DCLK1: variants seen among roughly 807,000 people sequenced by gnomAD.
DCLK1 encodes the protein doublecortin like kinase 1, also known as serine/threonine-protein kinase DCLK1.
A neutral mutation model predicts 86.2 loss-of-function variants in DCLK1; 16 were observed. The observed-to-expected ratio is 0.19, with a 90% CI of 0.13 to 0.28. The LOEUF is 0.28. Among genes scored for constraint, DCLK1 ranks in the 10% least tolerant of loss-of-function variants. The pLI is 1.00. For synonymous variants in DCLK1, 369 were observed against 370.5 expected, an observed-to-expected ratio of 1.00 and a Z score of 0.05; for missense variants, 590 against 940.2, an observed-to-expected ratio of 0.63 and a Z score of 4.87.
At chr13:36,023,486 A>G (rs758764109) in intron 3 of DCLK1, among the ~76,000 whole-genome samples, 1 of 152,172 alleles carries the variant, frequency 6.6e-6, no homozygotes, top group South Asian at 2.1e-4. Context: ...TGCTCTTTTC[A>G]GGTCTTAGGC....
chr13:35,775,794 A>G (rs1293737977), intron 16 of DCLK1, among the ~76,000 whole-genome samples: 1 of 152,220 alleles, frequency 6.6e-6, no homozygotes, highest in East Asian at 1.9e-4. Flanking sequence ...AAGAACAGAG[A>G]TAAATTTACA....
chr13:35,868,731 T>C (rs1348044132), intron 5 of DCLK1, among the ~76,000 whole-genome samples: 1 of 152,226 alleles, frequency 6.6e-6, no homozygotes, highest in Non-Finnish European at 1.5e-5. Context: ...GCTAGGCTTA[T>C]GACTTTGTTC....
chr13:36,100,179 C>CAAAAAAAAAAAAAAAAAAAA (rs58824322), intron 3 of DCLK1, among the ~76,000 whole-genome samples: 2 of 37,686 alleles, frequency 5.3e-5, no homozygotes, highest in African/African-American at 1.1e-4. Flanking sequence ...CCTGTCTCTA[C>CAAAAAAAAAAAAAAAAAAAA]AAAAAAAAAA....
chr13:35,916,978 T>C (rs1392629402), intron 4 of DCLK1, among the ~76,000 whole-genome samples: 1 of 152,140 alleles, frequency 6.6e-6, no homozygotes, highest in Non-Finnish European at 1.5e-5. Flanking sequence ...CAGGTGGCCT[T>C]CTTCTACCTC....
At chr13:35,819,190 T>C (rs942625390) in intron 11 of DCLK1, among the ~76,000 whole-genome samples, 3 of 152,202 alleles carry the variant, frequency 2.0e-5, no homozygotes, top group Admixed American at 6.5e-5. Flanking sequence ...GGAAAAACTT[T>C]AGTTAAATAC....
chr13:35,896,135 A>G (rs1353626419), intron 4 of DCLK1, among the ~76,000 whole-genome samples: 1 of 152,206 alleles, frequency 6.6e-6, no homozygotes, highest in Non-Finnish European at 1.5e-5. Context: ...ATTTTCAAAC[A>G]AGGAAGAAAA....
intron 3 of DCLK1, among the ~76,000 whole-genome samples, chr13:36,007,600 C>T (rs1186716131): frequency 1.3e-5 from 2 of 152,026 alleles, no homozygotes; most frequent in Non-Finnish European, 2.9e-5. Flanking sequence ...CTAAGGGAAC[C>T]GGAAGATATT....
chr13:36,100,211 A>C (rs1181347875), intron 3 of DCLK1, among the ~76,000 whole-genome samples: 6 of 86,536 alleles, frequency 6.9e-5, no homozygotes, highest in Admixed American at 1.3e-4. Context: ...AAAAAAAAAA[A>C]AACCACACAC....
At chr13:35,947,279 A>C in intron 4 of DCLK1, 79 bp downstream of exon 4, 2 of 1,056,330 alleles carry the variant, frequency 1.9e-6, no homozygotes, top group Non-Finnish European at 2.9e-6. Flanking sequence ...TTTGGAGTTG[A>C]CATAATCTTG....
At chr13:35,930,535 G>A (rs535711298) in intron 4 of DCLK1, among the ~76,000 whole-genome samples, 1 of 152,308 alleles carries the variant, frequency 6.6e-6, no homozygotes, top group East Asian at 1.9e-4. Context: ...CAGGAGAGGA[G>A]GTTGCAGTGA....
At chr13:35,867,963 A>AAGAAAGAAAGAAAGAAAGAGAGAG (rs796441369) in intron 5 of DCLK1, among the ~76,000 whole-genome samples, 1 of 135,156 alleles carries the variant, frequency 7.4e-6, no homozygotes, top group African/African-American at 2.7e-5. Context: ...GAAAGAAAGA[A>AAGAAAGAAAGAAAGAAAGAGAGAG]AGAGAAAAAG....
intron 3 of DCLK1, among the ~76,000 whole-genome samples, chr13:35,963,544 C>A (rs557086195): frequency 2.6e-5 from 4 of 152,296 alleles, no homozygotes; most frequent in South Asian, 2.1e-4. Context: ...TAACTCAGAA[C>A]TTCAATGTTC....
intron 15 of DCLK1, among the ~76,000 whole-genome samples, chr13:35,797,267 A>G (rs2086832251): frequency 1.3e-5 from 2 of 152,224 alleles, no homozygotes; most frequent in Admixed American, 6.5e-5. Flanking sequence ...CTTGCTGAAT[A>G]ACCCCACCTT....
chr13:36,122,012 G>A (rs1886009900), intron 2 of DCLK1, among the ~76,000 whole-genome samples: 1 of 152,070 alleles, frequency 6.6e-6, no homozygotes, highest in African/African-American at 2.4e-5. Context: ...CCCCTCTGAG[G>A]AATTTTAGGA....
intron 3 of DCLK1, among the ~76,000 whole-genome samples, chr13:35,976,888 T>G (rs188062320): frequency 2.6e-5 from 4 of 152,218 alleles, no homozygotes; most frequent in Admixed American, 2.0e-4. Flanking sequence ...TAAGTTACAC[T>G]TTCAGTCACA....
intron 3 of DCLK1, among the ~76,000 whole-genome samples, chr13:35,985,242 C>A (rs956379422): frequency 5.3e-5 from 8 of 152,134 alleles, no homozygotes; most frequent in African/African-American, 1.7e-4. Context: ...GCCAATAAGC[C>A]CATTCTCCCT....
intron 8 of DCLK1, among the ~76,000 whole-genome samples, chr13:35,829,203 G>A (rs1868749847): frequency 6.6e-6 from 1 of 152,194 alleles, no homozygotes; most frequent in Non-Finnish European, 1.5e-5. Flanking sequence ...TAGGAGGAAG[G>A]ATTTAGTCGT....
intron 3 of DCLK1, among the ~76,000 whole-genome samples, chr13:36,077,713 T>C (rs1040376332): frequency 3.3e-5 from 5 of 152,174 alleles, no homozygotes; most frequent in Non-Finnish European, 4.4e-5. Context: ...CCAAGGGCCA[T>C]ACACGTTTCT....
At chr13:35,952,399 AAC>A (rs2153134590) in intron 3 of DCLK1, among the ~76,000 whole-genome samples, 2 of 152,330 alleles carry the variant, frequency 1.3e-5, no homozygotes, top group East Asian at 3.9e-4. Flanking sequence ...AGAAGCTGCT[AAC>A]ACAAAGGTGG....
Sources: gnomAD v4.1 joint callset for allele counts (sites outside exome capture counted in the v4.1 genomes callset) on GRCh38, gnomAD v4.1.1 for gene constraint, MANE v1.5 for transcripts, NCBI Gene and HGNC (gene_info 2026-07-23, HGNC 2026-07-21) for gene names.